The following SIPA1L1 variants were observed in gnomAD, a reference collection of about 807,000 sequenced individuals.
The protein encoded by SIPA1L1 is signal-induced proliferation-associated 1-like protein 1.
In SIPA1L1, 26 loss-of-function variants were observed where a neutral mutation model predicts 162.7. That is an observed-to-expected ratio of 0.16 (90% CI 0.12 to 0.22). The LOEUF is 0.22. SIPA1L1 is among the 10% of genes least tolerant of loss of function. The pLI is 1.00. For missense variants in SIPA1L1, 1,874 were observed against 2,241.0 expected, an observed-to-expected ratio of 0.84 and a Z score of 3.31; for synonymous variants, 829 against 837.4, an observed-to-expected ratio of 0.99 and a Z score of 0.17.
At chr14:71,650,077 A>G (rs2042495687) in intron 7 of SIPA1L1, among the ~76,000 whole-genome samples, 1 of 152,220 alleles carries the variant, frequency 6.6e-6, no homozygotes, top group Non-Finnish European at 1.5e-5. Flanking sequence ...CTATAGTACC[A>G]ACAGATCTGT....
chr14:71,735,512 C>CCTG, intron 22 of SIPA1L1, 121 bp downstream of exon 22: 2 of 623,644 alleles, frequency 3.2e-6, no homozygotes, highest in Non-Finnish European at 5.6e-6. Flanking sequence ...CACTGCAGGG[C>CCTG]TAGACACTTT....
intron 13 of SIPA1L1, among the ~76,000 whole-genome samples, chr14:71,696,771 A>G (rs1237079124): frequency 1.3e-5 from 2 of 152,234 alleles, no homozygotes; most frequent in Non-Finnish European, 2.9e-5. Context: ...GACACACATA[A>G]AATAACCATT....
rs541937511 is a variant in SIPA1L1 at position 71,534,485 on chromosome 14, G to A, written c.-303+5115G>A. 1.3e-3 allele frequency among the ~76,000 whole-genome samples: 204 copies of A among 152,256 alleles called. 1 individual carries two copies. Among genetic ancestry groups the A allele is most frequent in the Middle Eastern group, 6.8e-3 (2 of 294 alleles). Reference sequence around the variant, plus strand: ...GAAAATATCTAAAGGAGTTTTATGCGTGATTATATCTTATTCCATCTAGTA... The same window carrying A: ...GAAAATATCTAAAGGAGTTTTATGCATGATTATATCTTATTCCATCTAGTA... On this transcript the variant is annotated intron_variant, in intron 4 of 23. Coordinates refer to ENST00000381232, the MANE Select transcript of SIPA1L1 (RefSeq NM_001386936.1).
At chr14:71,638,004 C>A (rs1469256731) in intron 7 of SIPA1L1, among the ~76,000 whole-genome samples, 1 of 152,058 alleles carries the variant, frequency 6.6e-6, no homozygotes, top group Non-Finnish European at 1.5e-5. Flanking sequence ...AGTCACAACT[C>A]AGCTAACTGA....
At chr14:71,322,871 G>A (rs942757144) in intron 2 of SIPA1L1, among the ~76,000 whole-genome samples, 4 of 152,206 alleles carry the variant, frequency 2.6e-5, no homozygotes, top group Non-Finnish European at 4.4e-5. Flanking sequence ...TGCAGTTCCT[G>A]CTTCTGCTCC....
chr14:71,406,589 G>C (rs1214579704), intron 2 of SIPA1L1, among the ~76,000 whole-genome samples: 1 of 107,462 alleles, frequency 9.3e-6, no homozygotes, highest in Non-Finnish European at 2.5e-5. Flanking sequence ...AGATTACCTT[G>C]GGGGGATTTA....
At chr14:71,716,333 C>G (rs2083271057) in intron 17 of SIPA1L1, among the ~76,000 whole-genome samples, 1 of 152,208 alleles carries the variant, frequency 6.6e-6, no homozygotes, top group Non-Finnish European at 1.5e-5. Flanking sequence ...CCGATCAGCT[C>G]TCCTCTCCTT....
intron 2 of SIPA1L1, among the ~76,000 whole-genome samples, chr14:71,381,298 C>T (rs2039879621): frequency 6.6e-6 from 1 of 152,114 alleles, no homozygotes; most frequent in Admixed American, 6.5e-5. Flanking sequence ...GTGATCCGCC[C>T]TCCTTGTCCT....
chr14:71,327,616 A>G (rs188041261), intron 2 of SIPA1L1, among the ~76,000 whole-genome samples: 49 of 152,340 alleles, frequency 3.2e-4, no homozygotes, highest in Non-Finnish European at 6.2e-4. Context: ...ATACCTAGGA[A>G]TAAAAATGGA....
intron 16 of SIPA1L1, among the ~76,000 whole-genome samples, chr14:71,707,014 G>A (rs2149938931): frequency 6.9e-6 from 1 of 144,940 alleles, no homozygotes; most frequent in Middle Eastern, 3.6e-3. Context: ...CAGCCTGGGT[G>A]ACAGATCAAG....
chr14:71,715,146 GGTAT>G (rs1339786068), intron 17 of SIPA1L1, among the ~76,000 whole-genome samples: 1 of 152,148 alleles, frequency 6.6e-6, no homozygotes, highest in African/African-American at 2.4e-5. Context: ...AGGAAAATTT[GGTAT>G]AGCTCTCTAC....
At chr14:71,506,589 C>T (rs1567121033) in intron 2 of SIPA1L1, among the ~76,000 whole-genome samples, 2 of 152,146 alleles carry the variant, frequency 1.3e-5, no homozygotes, top group African/African-American at 4.8e-5. Context: ...GATCCACCCG[C>T]CTCAACCTCC....
At chr14:71,704,751 A>C (rs745996619) in intron 15 of SIPA1L1, 2 of 1,613,170 alleles carry the variant, frequency 1.2e-6, no homozygotes, top group Non-Finnish European at 1.7e-6. Flanking sequence ...CAGGATTTCA[A>C]TTCTTTTGTC....
intron 2 of SIPA1L1, among the ~76,000 whole-genome samples, chr14:71,457,194 C>T (rs1282775648): frequency 2.0e-5 from 3 of 152,192 alleles, no homozygotes; most frequent in Non-Finnish European, 2.9e-5. Context: ...GTCTAGCTAG[C>T]AACCCTCCAT....
intron 4 of SIPA1L1, among the ~76,000 whole-genome samples, chr14:71,540,050 A>G (rs2054244931): frequency 6.6e-6 from 1 of 152,206 alleles, no homozygotes; most frequent in African/African-American, 2.4e-5. Flanking sequence ...CTCATCAGAA[A>G]TGCTCTCTCG....
At chr14:71,459,324 C>T (rs1242544282) in intron 2 of SIPA1L1, among the ~76,000 whole-genome samples, 38 of 151,936 alleles carry the variant, frequency 2.5e-4, no homozygotes, top group Admixed American at 1.8e-3. Context: ...ATAGGTAACA[C>T]GACGGTATAG....
chr14:71,498,372 T>C (rs1346464681), intron 2 of SIPA1L1, among the ~76,000 whole-genome samples: 3 of 152,216 alleles, frequency 2.0e-5, no homozygotes, highest in Admixed American at 2.0e-4. Flanking sequence ...ATTCTGGCAG[T>C]GCTTCCACTT....
chr14:71,630,901 C>A (rs1455703785), intron 7 of SIPA1L1, among the ~76,000 whole-genome samples: 3 of 151,154 alleles, frequency 2.0e-5, no homozygotes, highest in African/African-American at 4.9e-5. Context: ...ACTTTAAGTT[C>A]TAGGGTACAT....
chr14:71,646,212 C>T (rs1301044711), intron 7 of SIPA1L1, among the ~76,000 whole-genome samples: 3 of 149,956 alleles, frequency 2.0e-5, no homozygotes, highest in African/African-American at 4.9e-5. Context: ...AGTCTTGCTC[C>T]GTCTCCCAGG....
Sources: allele counts gnomAD v4.1 joint callset (sites outside exome capture counted in the v4.1 genomes callset), GRCh38; gene constraint gnomAD v4.1.1; transcripts MANE v1.5; gene names NCBI Gene and HGNC (gene_info 2026-07-23, HGNC 2026-07-21).